Variants in TEP1 observed in about 807,000 individuals in gnomAD.
TEP1 encodes the protein telomerase protein component 1.
TEP1 carries 241 observed loss-of-function variants against 306.3 expected under a neutral mutation model. The observed-to-expected ratio is 0.79, with a 90% confidence interval of 0.71 to 0.88. The LOEUF (loss-of-function observed/expected upper bound fraction) is 0.88, where lower values mean the gene tolerates loss of function less well. TEP1 is among the 40% of genes least tolerant of loss of function. The probability of loss-of-function intolerance (pLI) is 0.00; values close to 1 mark genes in which losing one functional copy is unlikely to be tolerated. For synonymous variants in TEP1, 1,289 were observed against 1,305.5 expected, an observed-to-expected ratio of 0.99 and a Z score of 0.27; for missense variants, 3,051 against 3,276.1, an observed-to-expected ratio of 0.93 and a Z score of 1.68.
intron 33 of TEP1, 109 bp downstream of exon 33, chr14:20,380,822 C>T (rs1280748978): frequency 5.3e-6 from 5 of 945,902 alleles, no homozygotes; most frequent in Non-Finnish European, 8.1e-6. Context: ...AAATTTGAAT[C>T]TTTTTTCCCT....
In TEP1 at chr14:20,377,622, A is replaced by C; in HGVS notation, c.5853T>G (p.Ile1951Met). 6.2e-7 allele frequency: 1 copy of C among 1,614,094 alleles called. No homozygotes were observed. Among genetic ancestry groups the C allele is most frequent in the Non-Finnish European group, 8.5e-7 (1 of 1,180,006 alleles). ...TACCTGAAGAGATTTTGTAGATCCT[A>C]ATGCCATCCGCTCGATATCCAACAG... is the stretch of plus-strand genomic sequence containing the variant. ...RVAVGYRADG[I>M]RIYKISSGSQ... The change falls in exon 40 of 55, where the codon ATT (isoleucine) becomes ATG (methionine). Residue 1951 changes from isoleucine to methionine, a missense_variant. Around this residue, in one of 3 missense-constraint regions of TEP1, gnomAD observed 1,540 missense variants for 1,705.9 expected, o/e 0.90. Transcript: ENST00000262715.
At chr14:20,402,707 C>A (rs1878849597) in intron 7 of TEP1, among the ~76,000 whole-genome samples, 1 of 152,200 alleles carries the variant, frequency 6.6e-6, no homozygotes, top group Non-Finnish European at 1.5e-5. Context: ...TGACGTGAAT[C>A]CAGATTCTAT....
At position 20,387,910 on chromosome 14, in the gene TEP1, C is replaced by G. The variant is rs752472847; in HGVS notation, c.2679G>C (p.Gln893His). Residue 893 changes from glutamine to histidine, a missense_variant, in exon 18 of 55, where the codon CAG becomes CAC. Transcript: ENST00000262715. ...DTPSPLAPVS[Q>H]QGWRSIRLFI... ...GCATAGAAACACAGACTGACCCTTG[C>G]TGGGAAACAGGAGCCAAGGGGCTTG... 1.2e-6 allele frequency: 2 copies of G among 1,603,560 alleles called. No individual in the cohort carries two copies. The highest frequency in any genetic ancestry group is 1.1e-5 in the South Asian group (1 of 88,844).
At position 20,385,119 on chromosome 14, in the gene TEP1, G is replaced by A. The variant is rs763612696; in HGVS notation, c.2983-10C>T. ...AAGGGTACTGCTGGGCCTGCGGGGA[G>A]GACAGAGACAGTGAGTTTAGTCCTA... On this transcript the variant is annotated splice_polypyrimidine_tract_variant and intron_variant, in intron 20 of 54. Coordinates refer to ENST00000262715, the MANE Select transcript of TEP1 (RefSeq NM_007110.5). 1 of 1,613,792 alleles carries A rather than the reference G, an allele frequency of 6.2e-7. No individual in the cohort carries two copies. Among genetic ancestry groups the A allele is most frequent in the South Asian group, 1.1e-5 (1 of 91,050 alleles).
chr14:20,396,039 TACAG>T, intron 10 of TEP1, 90 bp from the exon 11 acceptor site: 2 of 847,634 alleles, frequency 2.4e-6, no homozygotes, highest in Non-Finnish European at 3.7e-6. Flanking sequence ...TGTGGGAAGG[TACAG>T]AAGGACAAAA....
intron 44 of TEP1, 131 bp downstream of exon 44, chr14:20,374,298 G>A (rs1456909372): frequency 3.4e-6 from 2 of 588,168 alleles, no homozygotes; most frequent in South Asian, 2.4e-5. Context: ...GTCTTCCTAT[G>A]TTGCCTAATC....
intron 16 of TEP1, 78 bp from the exon 17 acceptor site, chr14:20,389,375 T>A: frequency 6.5e-7 from 1 of 1,542,544 alleles, no homozygotes; most frequent in East Asian, 2.2e-5. Context: ...CATCCCAAGA[T>A]GAAAACCCCA....
chr14:20,408,094 A>G lies in TEP1; in HGVS notation c.346T>C (p.Ser116Pro), dbSNP rs1760897. ...GCAGACACAGTGCTCTTTAGACTAG[A>G]GAGGGTGGCCAGGCACCGGTTCTCC... Reference protein sequence around the residue: ...SLENRCLATLSSLKSTVSASP... With the variant: ...SLENRCLATLPSLKSTVSASP... Residue 116 changes from serine (S) to proline (P), a missense_variant, in exon 2 of 55, where the codon TCT becomes CCT. Ser to Pro is a moderately conservative substitution (Grantham distance 74). This residue lies in a region of TEP1 where 1,507 missense variants were observed against 1,550.5 expected (regional missense o/e 0.97). Transcript: ENST00000262715. The G allele has an allele frequency of 0.32, 522,748 of 1,613,824 alleles. 87,221 individuals are homozygous for G. The highest frequency in any genetic ancestry group is 0.5 in the African/African-American group (37,413 of 74,894).
chr14:20,373,384 G>A lies in TEP1; in HGVS notation c.6700C>T (p.Leu2234Phe), dbSNP rs772680203. The A allele has an allele frequency of 3.1e-6, 5 of 1,614,212 alleles. No individual in the cohort carries two copies. Among genetic ancestry groups the A allele is most frequent in the Middle Eastern group, 1.6e-4 (1 of 6,062 alleles). Reference protein sequence around the residue: ...HPLLVCQTHTLLGHSGPVRAA... With the variant: ...HPLLVCQTHTFLGHSGPVRAA... ...CGGACTGGGCCGCTGTGTCCCAGGA[G>A]GGTGTGGGTTTGGCACACCTAGGAG... Residue 2234 changes from leucine (L) to phenylalanine (F), a missense_variant, in exon 47 of 55, where the codon CTC becomes TTC. By Grantham distance (22) the Leu-to-Phe change is conservative (BLOSUM62 0). Coordinates refer to ENST00000262715, the MANE Select transcript of TEP1 (RefSeq NM_007110.5).
rs752928641 is a variant in TEP1 at position 20,386,205 on chromosome 14, T to C, written c.2862-10A>G. 20 of 1,613,880 alleles carry C rather than the reference T, an allele frequency of 1.2e-5. No homozygotes were observed. The Admixed American group carries it at 1.3e-4, about 11-fold the overall frequency. On this transcript the variant is annotated splice_polypyrimidine_tract_variant and intron_variant, in intron 19 of 54. Transcript: ENST00000262715. Reference sequence around the variant, plus strand: ...GCACACTTCCAGTTGTCTGTAGGCATGATGATAGGGACGTGTGGGAGTCAC... The same window carrying C: ...GCACACTTCCAGTTGTCTGTAGGCACGATGATAGGGACGTGTGGGAGTCAC...
At position 20,381,344 on chromosome 14, in the gene TEP1, G is replaced by A. The variant is rs764852991; in HGVS notation, c.4616C>T (p.Pro1539Leu). The change falls in exon 32 of 55, where the codon CCT (proline) becomes CTT (leucine). Residue 1539 changes from proline to leucine, a missense_variant. Physicochemically the swap from Pro to Leu is moderately conservative, Grantham distance 98. Around this residue, in one of 3 missense-constraint regions of TEP1, gnomAD observed 1,540 missense variants for 1,705.9 expected, o/e 0.90. Coordinates refer to ENST00000262715, the MANE Select transcript of TEP1 (RefSeq NM_007110.5). This position sits in a 1 kb window ranked among gnomAD's most constrained non-coding sequence, Gnocchi z 4.0. ...DASGTFRSCPPEALGDLPYHL... is the reference protein window; with the variant it reads ...DASGTFRSCPLEALGDLPYHL... ...GTAAGGCAGGTCTCCCAGAGCCTCA[G>A]GAGGGCAACTTCGGAAGGTGCCTGA... 3 of 1,614,078 alleles carry A rather than the reference G, an allele frequency of 1.9e-6. No homozygotes were observed. Among genetic ancestry groups the A allele is most frequent in the African/African-American group, 2.7e-5 (2 of 74,926 alleles).
At position 20,384,040 on chromosome 14, in the gene TEP1, G is replaced by GA; in HGVS notation, c.3531_3532insT (p.Leu1178SerfsTer12). The stretch of plus-strand genomic sequence containing the variant: ...CCCAGGCCCCTGAGACTCTGTACCA[G>GA]GAAGGCTGTCTTGCCCTGTCCTGAC... On this transcript the variant is annotated frameshift_variant, in exon 24 of 55. Transcript: ENST00000262715. LOFTEE classifies it high-confidence loss of function. 1 of 1,602,768 alleles carries GA rather than the reference G, an allele frequency of 6.2e-7. No individual in the cohort carries two copies. Among genetic ancestry groups the GA allele is most frequent in the South Asian group, 1.1e-5 (1 of 89,106 alleles).
rs542092282 is a variant in TEP1, at chr14:20,383,278, C to A, written c.3943G>T (p.Val1315Leu). 6.2e-6 allele frequency: 10 copies of A among 1,613,670 alleles called. No individual in the cohort carries two copies. In the East Asian group the frequency reaches 2.2e-4, roughly 36 times the overall value. The change falls in exon 27 of 55, where the codon GTG becomes TTG. Residue 1315 changes from valine (V) to leucine (L), a missense_variant. By Grantham distance (32) the Val-to-Leu change is conservative. Coordinates refer to ENST00000262715, the MANE Select transcript of TEP1 (RefSeq NM_007110.5). Reference sequence around the variant, plus strand: ...GCCTCCAGAGGCCCCAAGGCCAGCACGTGGGCACCCTGGCTCTGCTCAAGG... The same window carrying A: ...GCCTCCAGAGGCCCCAAGGCCAGCAAGTGGGCACCCTGGCTCTGCTCAAGG... The part of the protein sequence containing the change: ...ETLEQSQGAH[V>L]LALGPLEASA...
chr14:20,378,377 T>C lies in TEP1; in HGVS notation c.5508+3A>G. 6.2e-7 allele frequency: 1 copy of C among 1,614,214 alleles called. No homozygotes were observed. Among genetic ancestry groups the C allele is most frequent in the Non-Finnish European group, 8.5e-7 (1 of 1,180,028 alleles). On this transcript the variant is annotated splice_donor_region_variant and intron_variant, in intron 38 of 54. Transcript: ENST00000262715. ...CCCCAAGAGCAACACTGGACCTTCT[T>C]ACCTTGGTGACTTTGAGCCCATCCA...
At position 20,373,268 on chromosome 14, in the gene TEP1, A is replaced by C. The variant is rs763185234; in HGVS notation, c.6814+2T>G. 1.2e-5 allele frequency: 20 copies of C among 1,613,826 alleles called. No homozygotes were observed. In the Admixed American group the frequency reaches 3.3e-4, roughly 27 times the overall value. On this transcript the variant is annotated splice_donor_variant, in intron 47 of 54. Coordinates refer to ENST00000262715, the MANE Select transcript of TEP1 (RefSeq NM_007110.5). LOFTEE classifies it high-confidence loss of function. ...CCCTGTCTCTCTCCAAGCCTCACTC[A>C]CCTGCTTCCTTAGGAACCTGCCAGA...
chr14:20,401,150 A>T lies in TEP1; in HGVS notation c.1392-9T>A, dbSNP rs1215036128. On this transcript the variant is annotated splice_polypyrimidine_tract_variant and intron_variant, in intron 8 of 54. Transcript: ENST00000262715. ...GTAGGTTGGAGGGGTATCTGAGGAT[A>T]GGTAAGAAAGAGGTCTATCATTTCA... 7 of 1,613,504 alleles carry T rather than the reference A, an allele frequency of 4.3e-6. No individual in the cohort carries two copies. The highest frequency in any genetic ancestry group is 5.9e-6 in the Non-Finnish European group (7 of 1,179,884).
At chr14:20,405,911 G>C (rs1392321501) in intron 3 of TEP1, among the ~76,000 whole-genome samples, 2 of 151,778 alleles carry the variant, frequency 1.3e-5, no homozygotes, top group African/African-American at 4.8e-5. Flanking sequence ...CTACTCAGGA[G>C]GCTGAGGCAG....
Position 20,365,849 on chromosome 14 carries a change from G to A in TEP1, c.*2588C>T, listed in dbSNP as rs1594310503. 6.6e-6 allele frequency: 1 copy of A among 152,184 alleles called. No individual in the cohort carries two copies. Among genetic ancestry groups the A allele is most frequent in the East Asian group, 1.9e-4 (1 of 5,200 alleles). 9.4% of individuals were successfully genotyped at this position (152,184 alleles called of 1,614,324 possible). On this transcript the variant is annotated 3_prime_UTR_variant, in exon 55 of 55. Coordinates refer to ENST00000262715, the MANE Select transcript of TEP1 (RefSeq NM_007110.5). ...TCTGCTCTAGATTTCAAAAACAGAT[G>A]TGGATATATGTGTAAAAATTTGGTA... is the stretch of plus-strand genomic sequence containing the variant.
chr14:20,382,924 T>G (rs922636893), intron 27 of TEP1, among the ~76,000 whole-genome samples: 1 of 152,160 alleles, frequency 6.6e-6, no homozygotes, highest in African/African-American at 2.4e-5. Context: ...TGGCTCGGCC[T>G]ACCCCACCAA....
Sources: allele counts gnomAD v4.1 joint callset (sites outside exome capture counted in the v4.1 genomes callset), GRCh38; gene constraint gnomAD v4.1.1; regional missense constraint gnomAD v4.1.1; non-coding constraint Gnocchi (gnomAD v3.1); transcripts MANE v1.5; gene names NCBI Gene and HGNC (gene_info 2026-07-23, HGNC 2026-07-21).